The following SKI variants were observed in gnomAD, a reference collection of about 807,000 sequenced individuals.
SKI encodes SKI proto-oncogene.
Under a neutral mutation model 59.3 loss-of-function variants are expected in SKI, and 23 were observed. That is an observed-to-expected ratio of 0.39 (90% CI 0.28 to 0.55). The LOEUF (loss-of-function observed/expected upper bound fraction) is 0.55, where lower values mean the gene tolerates loss of function less well. Ranked by LOEUF, SKI falls within the 20% of genes least tolerant of loss-of-function variation. The probability of loss-of-function intolerance (pLI) is 0.67; values close to 1 mark genes in which losing one functional copy is unlikely to be tolerated. For missense variants in SKI, 1,017 were observed against 1,038.9 expected (o/e 0.98, Z 0.29); for synonymous variants, 673 against 488.6 (o/e 1.38, Z -4.98).
At chr1:2,238,945 C>T (rs921166501) in intron 1 of SKI, among the ~76,000 whole-genome samples, 4 of 152,188 alleles carry the variant, frequency 2.6e-5, no homozygotes, top group African/African-American at 9.6e-5. Context: ...CCTGGACGCC[C>T]GTGTGGACCT....
Position 2,228,988 on chromosome 1 carries a change from G to A in SKI, c.222G>A (p.Leu74=). The change falls in exon 1 of 7, where the codon CTG becomes CTA. Residue 74 remains leucine, a synonymous_variant. Transcript: ENST00000378536. ...VPAATEPPPV[L]HLPAIQPPPP... is the part of the protein sequence containing the mutation. ...CAGCCACCGAGCCGCCGCCCGTGCT[G>A]CACCTGCCCGCCATCCAGCCGCCGC... 2 of 1,543,398 alleles carry A rather than the reference G, an allele frequency of 1.3e-6. No homozygotes were observed. Among genetic ancestry groups the A allele is most frequent in the South Asian group, 1.2e-5 (1 of 85,310 alleles).
chr1:2,293,959 C>T (rs1236137667), intron 1 of SKI, among the ~76,000 whole-genome samples: 2 of 152,240 alleles, frequency 1.3e-5, no homozygotes, highest in East Asian at 3.8e-4. Flanking sequence ...GTGATGGGGG[C>T]CACTCTGGGC....
intron 1 of SKI, among the ~76,000 whole-genome samples, chr1:2,271,680 G>A (rs988245845): frequency 9.2e-5 from 14 of 151,822 alleles, no homozygotes; most frequent in African/African-American, 2.4e-4. Context: ...CTGTCCCTGC[G>A]GGCCCGCCCC....
At chr1:2,284,370 T>C (rs2100880452) in intron 1 of SKI, among the ~76,000 whole-genome samples, 1 of 152,332 alleles carries the variant, frequency 6.6e-6, no homozygotes, top group Middle Eastern at 3.4e-3. Context: ...TGACCTGGCC[T>C]GGGTCAGCAC....
Position 2,292,807 on chromosome 1 carries a change from G to A in SKI, c.970-10171G>A, listed in dbSNP as rs566751179. 2.3e-4 allele frequency among the ~76,000 whole-genome samples: 35 copies of A among 152,350 alleles called. No individual in the cohort carries two copies. The East Asian group carries it at 4.8e-3, about 21-fold the overall frequency. On this transcript the variant is annotated intron_variant, in intron 1 of 6. Coordinates refer to ENST00000378536, the MANE Select transcript of SKI (RefSeq NM_003036.4). Reference sequence around the variant, plus strand: ...GTGGGGGTGGTCTTCTGACGCCGGCGGGGCTCCTGAAGGTGCAGGAAGGCA... The same window carrying A: ...GTGGGGGTGGTCTTCTGACGCCGGCAGGGCTCCTGAAGGTGCAGGAAGGCA...
At chr1:2,304,615 C>T (rs1467124028) in intron 5 of SKI, 30 bp downstream of exon 5, 52 of 1,528,524 alleles carry the variant, frequency 3.4e-5, no homozygotes, top group Non-Finnish European at 4.4e-5. Flanking sequence ...CTGGGAGGTC[C>T]AGGGCACGGG....
chr1:2,283,349 A>AT (rs1491203062), intron 1 of SKI, among the ~76,000 whole-genome samples: 2 of 149,830 alleles, frequency 1.3e-5, no homozygotes, highest in East Asian at 4.0e-4. Context: ...TCAGAGCCTC[A>AT]GGGGGGGGAG....
intron 1 of SKI, chr1:2,232,337 G>A (rs1341991037): frequency 6.6e-6 from 1 of 152,246 alleles, no homozygotes; most frequent in African/African-American, 2.4e-5. Flanking sequence ...GCCAGGCCAG[G>A]GTCGGGTCTC....
intron 1 of SKI, among the ~76,000 whole-genome samples, chr1:2,244,027 A>T (rs1173285925): frequency 6.6e-6 from 1 of 151,880 alleles, no homozygotes. Flanking sequence ...GTGCAATGGC[A>T]TGATCTCGGC....
In SKI at chr1:2,306,791, G is replaced by A. The variant is rs770736166; in HGVS notation, c.*26G>A. ...ATTCCGTGCCTGCCGCCGCAGCGCCGCCGACAACGCGGGTGCAGGGGGGCG... is the reference window on the plus strand; with the variant it reads ...ATTCCGTGCCTGCCGCCGCAGCGCCACCGACAACGCGGGTGCAGGGGGGCG... On this transcript the variant is annotated 3_prime_UTR_variant, in exon 7 of 7. Coordinates refer to ENST00000378536, the MANE Select transcript of SKI (RefSeq NM_003036.4). The A allele has an allele frequency of 3.9e-5, 57 of 1,468,150 alleles. No homozygotes were observed. The highest frequency in any genetic ancestry group is 1.7e-4 in the South Asian group (13 of 77,780). The allele number at this position is 1,468,150 out of a possible 1,614,324, so 90.9% of individuals were successfully genotyped here.
chr1:2,228,813 G>T lies in SKI; in HGVS notation c.47G>T (p.Gly16Val). 1 of 1,369,758 alleles carries T rather than the reference G, an allele frequency of 7.3e-7. No homozygotes were observed. Among genetic ancestry groups the T allele is most frequent in the Non-Finnish European group, 9.5e-7 (1 of 1,051,398 alleles). 84.9% of individuals were successfully genotyped at this position (1,369,758 alleles called of 1,614,324 possible). ...GGRGCFQPHP[G>V]LQKTLEQFHL... ...CGCGGCTGTTTCCAGCCGCACCCGG[G>T]GCTGCAGAAGACGCTGGAGCAGTTC... The change falls in exon 1 of 7, where the codon GGG becomes GTG. Residue 16 changes from glycine to valine, a missense_variant. Coordinates refer to ENST00000378536, the MANE Select transcript of SKI (RefSeq NM_003036.4).
At chr1:2,282,707 A>G (rs1007141497) in intron 1 of SKI, among the ~76,000 whole-genome samples, 6 of 150,966 alleles carry the variant, frequency 4.0e-5, no homozygotes, top group African/African-American at 1.5e-4. Context: ...GTCACCCTTT[A>G]CCCCCACCCA....
At position 2,306,064 on chromosome 1, in the gene SKI, G is replaced by T; in HGVS notation, c.1812G>T (p.Glu604Asp). 1 of 1,600,440 alleles carries T rather than the reference G, an allele frequency of 6.2e-7. No homozygotes were observed. Reference protein sequence around the residue: ...LRVAKKEKLREATEAKRNLRK... With the variant: ...LRVAKKEKLRDATEAKRNLRK... The stretch of plus-strand genomic sequence containing the variant: ...TGGCCAAGAAGGAGAAGCTGCGGGA[G>T]GCCACGGAGGCCAAGCGTAACCTGC... The change falls in exon 6 of 7, where the codon GAG becomes GAT. Residue 604 changes from glutamate to aspartate, a missense_variant. Coordinates refer to ENST00000378536, the MANE Select transcript of SKI (RefSeq NM_003036.4).
At chr1:2,260,563 C>G in intron 1 of SKI, among the ~76,000 whole-genome samples, 1 of 42,346 alleles carries the variant, frequency 2.4e-5, no homozygotes, top group Non-Finnish European at 4.0e-5. Flanking sequence ...TTTTTTGAGA[C>G]AGGGTGTGGT....
At chr1:2,265,139 T>A (rs1024881748) in intron 1 of SKI, among the ~76,000 whole-genome samples, 1 of 152,164 alleles carries the variant, frequency 6.6e-6, no homozygotes, top group South Asian at 2.1e-4. Context: ...AGATTGTCTC[T>A]TTGTCACTGC....
At chr1:2,301,713 C>T (rs1323563732) in intron 1 of SKI, among the ~76,000 whole-genome samples, 1 of 152,252 alleles carries the variant, frequency 6.6e-6, no homozygotes, top group Non-Finnish European at 1.5e-5. Context: ...GGAAGAGCCC[C>T]CGGCCCTGAG....
Position 2,306,309 on chromosome 1 carries a change from C to T in SKI, c.1998+59C>T, listed in dbSNP as rs1044509732. 4.2e-6 allele frequency: 6 copies of T among 1,429,644 alleles called. No homozygotes were observed. In the Admixed American group the frequency reaches 6.7e-5, roughly 16 times the overall value. The allele number at this position is 1,429,644 out of a possible 1,614,324, so 88.6% of individuals were successfully genotyped here. On this transcript the variant is annotated intron_variant, in intron 6 of 6. Transcript: ENST00000378536. ...GGTGGGCGTGGAGCCGCCGTGGGCC[C>T]CGGTGGCCAGTCCTGCCCAGCCGGA...
intron 1 of SKI, among the ~76,000 whole-genome samples, chr1:2,283,576 C>T (rs933245167): frequency 6.6e-6 from 1 of 152,242 alleles, no homozygotes; most frequent in African/African-American, 2.4e-5. Flanking sequence ...TACTGCAGGC[C>T]TGGGCCTTGG....
chr1:2,247,631 G>T (rs555631768), intron 1 of SKI, among the ~76,000 whole-genome samples: 4 of 152,338 alleles, frequency 2.6e-5, no homozygotes, highest in African/African-American at 9.6e-5. Flanking sequence ...CACCAGGCAA[G>T]AAGTATGTAC....
Sources: gnomAD v4.1 joint callset for allele counts (sites outside exome capture counted in the v4.1 genomes callset) on GRCh38, gnomAD v4.1.1 for gene constraint, MANE v1.5 for transcripts, NCBI Gene and HGNC (gene_info 2026-07-23, HGNC 2026-07-21) for gene names.